CTNNA3: variants seen among roughly 807,000 people sequenced by gnomAD.
The protein encoded by CTNNA3 is catenin alpha 3.
In CTNNA3, 76 loss-of-function variants were observed where a neutral mutation model predicts 95.7. The observed-to-expected ratio is 0.79, with a 90% CI of 0.66 to 0.96. CTNNA3 has a LOEUF of 0.96. CTNNA3 is among the 40% of genes least tolerant of loss of function. CTNNA3 has a pLI of 0.00. For missense variants in CTNNA3, 1,191 were observed against 1,089.8 expected, an observed-to-expected ratio of 1.09 and a Z score of -1.31; for synonymous variants, 431 against 374.4, an observed-to-expected ratio of 1.15 and a Z score of -1.74.
intron 7 of CTNNA3, among the ~76,000 whole-genome samples, chr10:67,056,959 A>G (rs2133205214): frequency 6.6e-6 from 1 of 152,288 alleles, no homozygotes; most frequent in Non-Finnish European, 1.5e-5. Context: ...GAACTGACTG[A>G]GACTGATTAT....
At chr10:66,012,427 G>A (rs1464625696) in intron 15 of CTNNA3, among the ~76,000 whole-genome samples, 1 of 152,132 alleles carries the variant, frequency 6.6e-6, no homozygotes, top group East Asian at 1.9e-4. Flanking sequence ...TACATTTAAA[G>A]TCCAGTTGGG....
intron 3 of CTNNA3, among the ~76,000 whole-genome samples, chr10:67,605,516 T>C (rs1843240184): frequency 6.6e-6 from 1 of 152,192 alleles, no homozygotes; most frequent in Non-Finnish European, 1.5e-5. Context: ...ATTTAGATGC[T>C]CTTGCTACAC....
At chr10:67,216,587 G>A (rs116854729) in intron 6 of CTNNA3, among the ~76,000 whole-genome samples, 4,990 of 152,184 alleles carry the variant, frequency 0.033, 124 homozygotes, top group Non-Finnish European at 0.056. Flanking sequence ...ATTATTCTAG[G>A]TGCTGGAGAT....
chr10:66,428,725 A>G (rs915920710), intron 11 of CTNNA3, among the ~76,000 whole-genome samples: 5 of 152,220 alleles, frequency 3.3e-5, no homozygotes, highest in Non-Finnish European at 5.9e-5. Flanking sequence ...GACATAACAT[A>G]CTAGAATATC....
At chr10:67,177,041 G>C in intron 7 of CTNNA3, 3 of 456,314 alleles carry the variant, frequency 6.6e-6, no homozygotes, top group Non-Finnish European at 1.3e-5. Flanking sequence ...ATTTGTTACA[G>C]CAGCAATAGA....
In CTNNA3 at chr10:67,138,491, A is replaced by G. The variant is rs1237007731; in HGVS notation, c.1047+41826T>C. Among the ~76,000 whole-genome samples, 7 of 152,316 alleles carry G rather than the reference A, an allele frequency of 4.6e-5. No homozygotes were observed. The South Asian group carries it at 1.2e-3, about 27-fold the overall frequency. ...ACTTATCTATACTGCTCTATCAAAT[A>G]TTTCTTAATCAGTTTTAGCATTTGT... is the stretch of plus-strand genomic sequence containing the variant. On this transcript the variant is annotated intron_variant, in intron 7 of 17. Transcript: ENST00000433211.
At chr10:66,617,688 A>G (rs953331680) in intron 10 of CTNNA3, among the ~76,000 whole-genome samples, 1 of 152,148 alleles carries the variant, frequency 6.6e-6, no homozygotes, top group African/African-American at 2.4e-5. Flanking sequence ...CCTATTCAAC[A>G]TAGTGTTGGA....
chr10:67,750,704 C>T, intron 1 of CTNNA3: 1 of 1,566,760 alleles, frequency 6.4e-7, no homozygotes, highest in Non-Finnish European at 8.8e-7. Flanking sequence ...TTCTTGGATG[C>T]CTGGGAGGCC....
At chr10:66,086,490 T>A (rs551300883) in intron 14 of CTNNA3, among the ~76,000 whole-genome samples, 22 of 152,092 alleles carry the variant, frequency 1.4e-4, no homozygotes, top group African/African-American at 5.3e-4. Context: ...GGCATGCGAA[T>A]TTTTTTTAAA....
chr10:66,616,148 G>A (rs530247060), intron 10 of CTNNA3, among the ~76,000 whole-genome samples: 170 of 152,048 alleles, frequency 1.1e-3, no homozygotes, highest in African/African-American at 3.9e-3. Context: ...AGATCCATTA[G>A]AGGATCTAAG....
chr10:66,857,884 G>A (rs7908648), intron 7 of CTNNA3, among the ~76,000 whole-genome samples: 88,751 of 151,846 alleles, frequency 0.58, 27,013 homozygotes, highest in African/African-American at 0.64. Flanking sequence ...TTTCTATTTG[G>A]ATGTCTTTAA....
At chr10:66,019,930 G>A (rs185332972) in intron 15 of CTNNA3, among the ~76,000 whole-genome samples, 75 of 152,214 alleles carry the variant, frequency 4.9e-4, no homozygotes, top group Non-Finnish European at 9.7e-4. Context: ...ATTACATTCA[G>A]TATAGATATG....
intron 1 of CTNNA3, among the ~76,000 whole-genome samples, chr10:67,691,794 C>T (rs4462224): frequency 0.22 from 31,841 of 145,404 alleles, 3,685 homozygotes; most frequent in East Asian, 0.48. Context: ...CCAGCCGCCC[C>T]GTCCAGGAGG....
At chr10:66,678,885 G>A (rs76022013) in intron 9 of CTNNA3, among the ~76,000 whole-genome samples, 50 of 152,190 alleles carry the variant, frequency 3.3e-4, no homozygotes, top group Non-Finnish European at 5.0e-4. Flanking sequence ...GTGGGAGAAA[G>A]GCAAAGAATC....
chr10:67,366,356 AAAAAT>A (rs1554827767), intron 5 of CTNNA3, among the ~76,000 whole-genome samples: 3 of 69,348 alleles, frequency 4.3e-5, no homozygotes, highest in African/African-American at 8.0e-5. Flanking sequence ...TTAAAGTATA[AAAAAT>A]AAAATAAAAT....
intron 14 of CTNNA3, among the ~76,000 whole-genome samples, chr10:66,076,472 TTGGACTTTAAGAAG>T (rs1288212576): frequency 1.3e-5 from 2 of 151,596 alleles, no homozygotes; most frequent in African/African-American, 2.4e-5. Context: ...GGAATTGGAG[TTGGACTTTAAGAAG>T]TGGTATACAT....
At position 66,409,786 on chromosome 10, in the gene CTNNA3, C is replaced by T. The variant is rs963296729; in HGVS notation, c.1532-30434G>A. 3.3e-5 allele frequency among the ~76,000 whole-genome samples: 5 copies of T among 152,218 alleles called. No homozygotes were observed. The East Asian group carries it at 9.6e-4, about 29-fold the overall frequency. On this transcript the variant is annotated intron_variant, in intron 11 of 17. Transcript: ENST00000433211. ...AGGTCAACATCTAGAACTTAAAATGCAACATTTAAAACCAAGAACCTGATT... is the reference window on the plus strand; with the variant it reads ...AGGTCAACATCTAGAACTTAAAATGTAACATTTAAAACCAAGAACCTGATT...
chr10:67,175,048 C>A (rs1307838474), intron 7 of CTNNA3, among the ~76,000 whole-genome samples: 2 of 103,392 alleles, frequency 1.9e-5, no homozygotes, highest in African/African-American at 3.8e-5. Context: ...GTGATAATGA[C>A]AATTCTCATA....
At chr10:67,105,850 C>A (rs943133840) in intron 7 of CTNNA3, among the ~76,000 whole-genome samples, 1 of 152,212 alleles carries the variant, frequency 6.6e-6, no homozygotes, top group Non-Finnish European at 1.5e-5. Flanking sequence ...CACTGAACAT[C>A]TCTGAACTTG....
Sources: allele counts gnomAD v4.1 joint callset (sites outside exome capture counted in the v4.1 genomes callset), GRCh38; gene constraint gnomAD v4.1.1; transcripts MANE v1.5; gene names NCBI Gene and HGNC (gene_info 2026-07-23, HGNC 2026-07-21).